Variants in SAMD5 observed in about 807,000 individuals in gnomAD.
SAMD5 encodes sterile alpha motif domain-containing protein 5.
Under a neutral mutation model 11.3 loss-of-function variants are expected in SAMD5, and 13 were observed. That is an observed-to-expected ratio of 1.15 (90% CI 0.75 to 1.83). SAMD5 has a LOEUF of 1.83. Among genes scored for constraint, SAMD5 ranks in the 40% most tolerant of loss-of-function variants. The pLI is 0.00. For missense variants in SAMD5, 255 were observed against 239.1 expected (o/e 1.07, Z -0.44); for synonymous variants, 129 against 111.3 (o/e 1.16, Z -1.00).
At chr6:147,810,482 G>T in the SAMD5 span, among the ~76,000 whole-genome samples, 3 of 152,142 alleles carry the variant, frequency 2.0e-5, no homozygotes, top group African/African-American at 7.2e-5. Flanking sequence ...AGCTGGTCCT[G>T]GTACCTCCTA....
At chr6:147,665,225 T>C (rs1351339193) in intron 1 of SAMD5, among the ~76,000 whole-genome samples, 1 of 152,226 alleles carries the variant, frequency 6.6e-6, no homozygotes, top group African/African-American at 2.4e-5. Context: ...CTTTTTTCAT[T>C]TTGTATAGAC....
the SAMD5 span, among the ~76,000 whole-genome samples, chr6:147,942,819 G>GTTT: frequency 1.3e-4 from 12 of 94,818 alleles, no homozygotes; most frequent in Admixed American, 2.6e-4. Flanking sequence ...TGTTCCCAAT[G>GTTT]CTTCTTTTTT....
chr6:147,657,024 T>A (rs977821984), intron 1 of SAMD5, among the ~76,000 whole-genome samples: 2 of 152,022 alleles, frequency 1.3e-5, no homozygotes, highest in Non-Finnish European at 2.9e-5. Context: ...AGACCGGTTG[T>A]ATAAAGCATA....
chr6:147,877,881 C>T, the SAMD5 span, among the ~76,000 whole-genome samples: 5 of 82,372 alleles, frequency 6.1e-5, no homozygotes, highest in Non-Finnish European at 1.3e-4. Context: ...CACACACACA[C>T]GATAGATAGA....
At chr6:147,561,854 G>A (rs1352336065) in intron 1 of SAMD5, among the ~76,000 whole-genome samples, 1 of 152,146 alleles carries the variant, frequency 6.6e-6, no homozygotes, top group Admixed American at 6.5e-5. Context: ...GGCGCATTCG[G>A]CACAGGGAAA....
chr6:147,872,609 A>G, the SAMD5 span, among the ~76,000 whole-genome samples: 1 of 152,186 alleles, frequency 6.6e-6, no homozygotes, highest in African/African-American at 2.4e-5. Flanking sequence ...TCATGTTTGC[A>G]TCACTCCTCT....
At position 147,567,046 on chromosome 6, in the gene SAMD5, AAG is replaced by A. The variant is rs1789052991; in HGVS notation, c.*2594_*2595del. ...TGATTTACATTTCCTAGAGTATTAAAAGAGATTAATTACAGACTTTCACTTGA... is the reference window on the plus strand; with the variant it reads ...TGATTTACATTTCCTAGAGTATTAAAAGATTAATTACAGACTTTCACTTGA... On this transcript the variant is annotated 3_prime_UTR_variant, in exon 2 of 2. Coordinates refer to ENST00000367474, the MANE Select transcript of SAMD5 (RefSeq NM_001030060.3). The A allele has an allele frequency of 1.1e-6, 1 of 944,500 alleles. No individual in the cohort carries two copies. The highest frequency in any genetic ancestry group is 1.3e-6 in the Non-Finnish European group (1 of 792,914). The allele number at this position is 944,500 out of a possible 1,614,324, so 58.5% of individuals were successfully genotyped here.
chr6:147,586,608 T>A (rs1562327170), intron 1 of SAMD5, among the ~76,000 whole-genome samples: 1 of 152,052 alleles, frequency 6.6e-6, no homozygotes, highest in Admixed American at 6.6e-5. Context: ...TAGATATTTT[T>A]AATCACTATT....
rs943351110 is a variant in SAMD5 at position 147,599,515 on chromosome 6, A to T, written c.162+90128A>T. Among the ~76,000 whole-genome samples the T allele has an allele frequency of 3.9e-5, 6 of 152,212 alleles. No homozygotes were observed. The East Asian group carries it at 1.2e-3, about 29-fold the overall frequency. ...AAATATATTTTTAAAATTTTTTTAA[A>T]TTCTTTTTTTCCAGATAAAATCTAA... On this transcript the variant is annotated intron_variant, in intron 1 of 1. Transcript: ENST00000566741.
chr6:147,777,082 G>A, the SAMD5 span, among the ~76,000 whole-genome samples: 1 of 152,034 alleles, frequency 6.6e-6, no homozygotes, highest in Non-Finnish European at 1.5e-5. Flanking sequence ...TTTCATACTG[G>A]TGAGGTCAGA....
intron 1 of SAMD5, among the ~76,000 whole-genome samples, chr6:147,597,271 T>C (rs1044233010): frequency 6.6e-6 from 1 of 152,204 alleles, no homozygotes; most frequent in African/African-American, 2.4e-5. Flanking sequence ...TATTAATTAA[T>C]CAGTGGCTTC....
chr6:147,853,176 T>C, the SAMD5 span, among the ~76,000 whole-genome samples: 1 of 152,178 alleles, frequency 6.6e-6, no homozygotes, highest in African/African-American at 2.4e-5. Flanking sequence ...AGGAAATATA[T>C]AGATGCCCTG....
chr6:147,579,898 C>G (rs540837005), intron 1 of SAMD5, among the ~76,000 whole-genome samples: 1 of 152,286 alleles, frequency 6.6e-6, no homozygotes, highest in South Asian at 2.1e-4. Context: ...TACTCTGTGC[C>G]AGGCGCTGTT....
intron 1 of SAMD5, among the ~76,000 whole-genome samples, chr6:147,643,356 C>A (rs74301743): frequency 2.0e-5 from 3 of 151,668 alleles, no homozygotes; most frequent in Non-Finnish European, 4.4e-5. Flanking sequence ...AGATTTTTTC[C>A]CCTTAATTGT....
chr6:147,749,108 C>T, the SAMD5 span, among the ~76,000 whole-genome samples: 1 of 151,152 alleles, frequency 6.6e-6, no homozygotes, highest in African/African-American at 2.4e-5. Flanking sequence ...TATATTATAA[C>T]TTTCTTTGGC....
chr6:147,910,367 G>A, the SAMD5 span, among the ~76,000 whole-genome samples: 5 of 152,158 alleles, frequency 3.3e-5, no homozygotes, highest in Non-Finnish European at 5.9e-5. Context: ...GGCAAGAGAA[G>A]TGAGAAGGGA....
intron 1 of SAMD5, among the ~76,000 whole-genome samples, chr6:147,671,835 A>T (rs1790799183): frequency 1.4e-5 from 2 of 146,788 alleles, no homozygotes; most frequent in South Asian, 4.3e-4. Flanking sequence ...CTGGAAATTT[A>T]TAATATGCTT....
At chr6:147,949,785 T>C in the SAMD5 span, among the ~76,000 whole-genome samples, 2 of 152,220 alleles carry the variant, frequency 1.3e-5, no homozygotes, top group East Asian at 1.9e-4. Flanking sequence ...TTATGTGATA[T>C]GGATAACTAA....
intron 1 of SAMD5, among the ~76,000 whole-genome samples, chr6:147,671,729 TC>T (rs1416312358): frequency 6.6e-6 from 1 of 152,166 alleles, no homozygotes; most frequent in African/African-American, 2.4e-5. Context: ...TTTTTATGTG[TC>T]CGTCCTATTT....
Sources: gnomAD v4.1 joint callset for allele counts (sites outside exome capture counted in the v4.1 genomes callset) on GRCh38, gnomAD v4.1.1 for gene constraint, MANE v1.5 for transcripts, NCBI Gene and HGNC (gene_info 2026-07-23, HGNC 2026-07-21) for gene names.